Variants in FBXW11 observed in about 807,000 individuals in gnomAD.
FBXW11 encodes F-box and WD repeat domain containing 11.
In FBXW11, 19 loss-of-function variants were observed where a neutral mutation model predicts 77.6. That is an observed-to-expected ratio of 0.24 (90% CI 0.17 to 0.36). The LOEUF (loss-of-function observed/expected upper bound fraction) is 0.36, where lower values mean the gene tolerates loss of function less well. Ranked by LOEUF, FBXW11 falls within the 10% of genes least tolerant of loss-of-function variation. The pLI is 1.00. For missense variants in FBXW11, 334 were observed against 704.2 expected (o/e 0.47, Z 5.95); for synonymous variants, 235 against 249.4 (o/e 0.94, Z 0.54).
intron 7 of FBXW11, among the ~76,000 whole-genome samples, chr5:171,886,967 C>T (rs982811341): frequency 4.0e-5 from 6 of 151,738 alleles, no homozygotes; most frequent in South Asian, 4.2e-4. Context: ...TGCAGTGAGC[C>T]GAAATCATGC....
intron 2 of FBXW11, among the ~76,000 whole-genome samples, chr5:171,951,158 T>C (rs980699153): frequency 6.6e-6 from 1 of 150,892 alleles, no homozygotes; most frequent in African/African-American, 2.4e-5. Flanking sequence ...AAGATACATA[T>C]GCAATGAAAT....
intron 2 of FBXW11, among the ~76,000 whole-genome samples, chr5:171,922,432 A>AT (rs1261012410): frequency 6.6e-6 from 1 of 152,226 alleles, no homozygotes; most frequent in African/African-American, 2.4e-5. Flanking sequence ...ATTGCTGGGA[A>AT]TTAAAATCAC....
chr5:171,916,334 C>T (rs1200839051), intron 2 of FBXW11: 4 of 421,032 alleles, frequency 9.5e-6, no homozygotes, highest in Non-Finnish European at 1.3e-5. Flanking sequence ...TGACAGGATG[C>T]TCCAGATGGC....
intron 1 of FBXW11, among the ~76,000 whole-genome samples, chr5:171,968,197 C>T (rs1764324336): frequency 6.6e-6 from 1 of 152,114 alleles, no homozygotes; most frequent in South Asian, 2.1e-4. Context: ...TGGCTCACGC[C>T]TGTAATCCCA....
At chr5:171,984,380 C>T (rs553174571) in intron 1 of FBXW11, among the ~76,000 whole-genome samples, 13 of 152,276 alleles carry the variant, frequency 8.5e-5, no homozygotes, top group Admixed American at 4.6e-4. Context: ...CCTCCAAAGC[C>T]GGAAGCTTAT....
rs141950997 is a variant in FBXW11 at position 171,990,718 on chromosome 5, T to C, written c.45+15740A>G. On this transcript the variant is annotated intron_variant, in intron 1 of 13. Transcript: ENST00000517395. ...AAAGATAACTGAGTCATATTTTACT[T>C]AAAAAAAGGTGCAAAAATAATGTGT... Among the ~76,000 whole-genome samples the C allele has an allele frequency of 2.0e-5, 3 of 152,226 alleles. No individual in the cohort carries two copies. In the East Asian group the frequency reaches 5.8e-4, roughly 29 times the overall value.
intron 2 of FBXW11, among the ~76,000 whole-genome samples, chr5:171,926,750 A>T (rs1761912039): frequency 6.6e-6 from 1 of 152,222 alleles, no homozygotes; most frequent in Non-Finnish European, 1.5e-5. Flanking sequence ...TAGCAGTGTG[A>T]GAACAGACTA....
intron 1 of FBXW11, among the ~76,000 whole-genome samples, chr5:171,976,063 A>C (rs1170418681): frequency 6.6e-6 from 1 of 152,054 alleles, no homozygotes; most frequent in Non-Finnish European, 1.5e-5. Flanking sequence ...GGATGGAGAG[A>C]GGGAGGGGAG....
At chr5:171,910,491 ATCATT>A (rs1760813501) in intron 4 of FBXW11, 76 bp downstream of exon 4, 7 of 906,542 alleles carry the variant, frequency 7.7e-6, no homozygotes, top group African/African-American at 1.7e-5. Flanking sequence ...TACTCATTCA[ATCATT>A]TCATAAATAT....
At position 171,869,642 on chromosome 5, in the gene FBXW11, G is replaced by C; in HGVS notation, c.1530+87C>G. On this transcript the variant is annotated intron_variant, in intron 12 of 13. Transcript: ENST00000517395. This position sits in a 1 kb window ranked among gnomAD's most constrained non-coding sequence, Gnocchi z 4.1. ...AAGGCATCTTGTGAGACACACAAGC[G>C]TTCCTGTGATACACCTAGACAGGAC... 1.1e-6 allele frequency: 1 copy of C among 931,354 alleles called. No individual in the cohort carries two copies. Among genetic ancestry groups the C allele is most frequent in the Non-Finnish European group, 1.6e-6 (1 of 640,604 alleles). 57.7% of individuals were successfully genotyped at this position (931,354 alleles called of 1,614,324 possible). A position where few individuals can be genotyped will look rare whatever the true frequency, so the allele number is the denominator to read the frequency against.
At chr5:171,920,236 A>G (rs561731653) in intron 2 of FBXW11, among the ~76,000 whole-genome samples, 16 of 152,272 alleles carry the variant, frequency 1.1e-4, no homozygotes, top group African/African-American at 3.6e-4. Flanking sequence ...AATTCTGAAC[A>G]TAAGTGGAAG....
At chr5:171,950,038 G>A (rs1357879303) in intron 2 of FBXW11, among the ~76,000 whole-genome samples, 1 of 152,106 alleles carries the variant, frequency 6.6e-6, no homozygotes, top group African/African-American at 2.4e-5. Context: ...ACTGGTAGCA[G>A]TCTTAATATG....
chr5:171,988,716 G>C (rs185971453), intron 1 of FBXW11, among the ~76,000 whole-genome samples: 1 of 152,074 alleles, frequency 6.6e-6, no homozygotes, highest in East Asian at 1.9e-4. Flanking sequence ...ATGGTGGCAG[G>C]TGCCTGTAAT....
chr5:171,964,143 A>C (rs1176297590), intron 1 of FBXW11, among the ~76,000 whole-genome samples: 1 of 152,202 alleles, frequency 6.6e-6, no homozygotes, highest in Non-Finnish European at 1.5e-5. Context: ...TTTTACAAAC[A>C]ATGCAATTTC....
At chr5:171,913,838 C>CAT (rs1471629911) in intron 3 of FBXW11, among the ~76,000 whole-genome samples, 65 of 63,858 alleles carry the variant, frequency 1.0e-3, no homozygotes, top group African/African-American at 2.8e-3. Context: ...CACACACACA[C>CAT]ACACACACAC....
intron 1 of FBXW11, among the ~76,000 whole-genome samples, chr5:172,001,754 T>A (rs1766426652): frequency 6.6e-6 from 1 of 152,186 alleles, no homozygotes; most frequent in African/African-American, 2.4e-5. Flanking sequence ...CCTATTGTGT[T>A]TTATGGGTGG....
intron 1 of FBXW11, among the ~76,000 whole-genome samples, chr5:171,971,218 C>T (rs890932653): frequency 1.2e-4 from 18 of 152,178 alleles, no homozygotes; most frequent in African/African-American, 4.3e-4. Flanking sequence ...TGGCTTAACA[C>T]CTGCAACAAT....
intron 8 of FBXW11, among the ~76,000 whole-genome samples, chr5:171,877,270 GGAA>G (rs1338679335): frequency 1.3e-5 from 2 of 152,132 alleles, no homozygotes; most frequent in Non-Finnish European, 2.9e-5. Context: ...TGAGATGACA[GGAA>G]GAAGGAGGCT....
chr5:171,997,097 C>A (rs900856178), intron 1 of FBXW11: 1 of 1,281,468 alleles, frequency 7.8e-7, no homozygotes, highest in Non-Finnish European at 1.0e-6. Context: ...ATGGCACCAG[C>A]GGCAAAGGAC....
Sources: gnomAD v4.1 joint callset for allele counts (sites outside exome capture counted in the v4.1 genomes callset) on GRCh38, gnomAD v4.1.1 for gene constraint, Gnocchi (gnomAD v3.1) non-coding constraint, MANE v1.5 for transcripts, NCBI Gene and HGNC (gene_info 2026-07-23, HGNC 2026-07-21) for gene names.